HNRNPK: variants seen among roughly 807,000 people sequenced by gnomAD.
The protein encoded by HNRNPK is heterogeneous nuclear ribonucleoprotein K, also known as dC-stretch binding protein.
HNRNPK carries 7 observed loss-of-function variants against 67.0 expected under a neutral mutation model. That is an observed-to-expected ratio of 0.10 (90% CI 0.06 to 0.20). HNRNPK has a LOEUF of 0.20. Ranked by LOEUF, HNRNPK falls within the 10% of genes least tolerant of loss-of-function variation. The pLI, the probability that HNRNPK is intolerant of heterozygous loss-of-function variation, is 1.00. For synonymous variants in HNRNPK, 213 were observed against 193.7 expected (o/e 1.10, Z -0.83); for missense variants, 264 against 606.5 (o/e 0.44, Z 5.93).
At chr9:83,978,072 C>A (rs1957152189) in intron 3 of HNRNPK, 123 bp downstream of exon 3, 1 of 666,534 alleles carries the variant, frequency 1.5e-6, no homozygotes, top group Non-Finnish European at 2.6e-6. Context: ...TACTGATAAT[C>A]GCAGAATTAC....
intron 16 of HNRNPK, 55 bp from the exon 17 acceptor site, chr9:83,969,495 A>T: frequency 9.6e-7 from 1 of 1,044,956 alleles, no homozygotes; most frequent in Non-Finnish European, 1.5e-6. Context: ...GTAACATCTT[A>T]ATCAACATCA....
chr9:83,971,848 A>C (rs754372494), intron 11 of HNRNPK, 34 bp downstream of exon 11: 1 of 1,560,696 alleles, frequency 6.4e-7, no homozygotes, highest in Non-Finnish European at 8.7e-7. Context: ...AGATGGGGGA[A>C]GAAAAAACAA....
intron 6 of HNRNPK, among the ~76,000 whole-genome samples, chr9:83,974,947 T>C (rs1343517121): frequency 1.3e-5 from 2 of 152,188 alleles, no homozygotes; most frequent in Non-Finnish European, 2.9e-5. Flanking sequence ...TGGCACACCT[T>C]CTCTTAGGCA....
Position 83,971,953 on chromosome 9 carries a change from G to A in HNRNPK, c.882C>T (p.Pro294=), listed in dbSNP as rs967239711. 91 of 1,601,228 alleles carry A rather than the reference G, an allele frequency of 5.7e-5. No homozygotes were observed. The highest frequency in any genetic ancestry group is 5.0e-4 in the Middle Eastern group (3 of 6,020). ...SPRRGPPPPP[P]GRGGRGGSRA... is the part of the protein sequence containing the mutation. The stretch of plus-strand genomic sequence containing the variant: ...TGCTACCACCCCGGCCGCCTCGTCC[G>A]GGAGGAGGGGGAGGTGGTCCTCGAC... Residue 294 remains proline (P), a synonymous_variant, in exon 11 of 17, where the codon CCC becomes CCT. Transcript: ENST00000376263.
Position 83,970,349 on chromosome 9 carries a change from A to G in HNRNPK, c.1192-18T>C. On this transcript the variant is annotated intron_variant, in intron 15 of 16. Transcript: ENST00000376263. Reference sequence around the variant, plus strand: ...CCAGCCAACTGAAAAGATTTTTTAAAAGTATGTGTTTACGATATACTTTTA... The same window carrying G: ...CCAGCCAACTGAAAAGATTTTTTAAGAGTATGTGTTTACGATATACTTTTA... 6.2e-7 allele frequency: 1 copy of G among 1,600,192 alleles called. No homozygotes were observed. Among genetic ancestry groups the G allele is most frequent in the Non-Finnish European group, 8.5e-7 (1 of 1,170,918 alleles).
chr9:83,973,255 A>G (rs776838155), intron 9 of HNRNPK, 31 bp downstream of exon 9: 75 of 1,264,200 alleles, frequency 5.9e-5, no homozygotes, highest in Admixed American at 3.1e-4. Flanking sequence ...ACTTTCCAGC[A>G]AAGAATACGG....
chr9:83,969,196 G>T lies in HNRNPK; in HGVS notation c.*211C>A. The T allele has an allele frequency of 1.6e-5, 9 of 560,026 alleles. No homozygotes were observed. Among genetic ancestry groups the T allele is most frequent in the South Asian group, 1.4e-4 (5 of 36,950 alleles). 34.7% of individuals were successfully genotyped at this position (560,026 alleles called of 1,614,324 possible). A position where few individuals can be genotyped will look rare whatever the true frequency, so the allele number is the denominator to read the frequency against. ...GCACGCCCTTCCCCCCCCCAACCCTGTTTGTAAGGAACTAAAACATTACAT... is the reference window on the plus strand; with the variant it reads ...GCACGCCCTTCCCCCCCCCAACCCTTTTTGTAAGGAACTAAAACATTACAT... On this transcript the variant is annotated 3_prime_UTR_variant, in exon 17 of 17. Transcript: ENST00000376263.
In HNRNPK at chr9:83,969,126, A is replaced by T; in HGVS notation, c.*281T>A. 2.0e-6 allele frequency: 1 copy of T among 508,532 alleles called. No individual in the cohort carries two copies. 31.5% of individuals were successfully genotyped at this position (508,532 alleles called of 1,614,324 possible). On this transcript the variant is annotated 3_prime_UTR_variant, in exon 17 of 17. Coordinates refer to ENST00000376263, the MANE Select transcript of HNRNPK (RefSeq NM_031263.4). ...ACCACCAACAATAACGAAAAATAAA[A>T]TCCACTCACTCTGCTGCTGTTTCAA... is the stretch of plus-strand genomic sequence containing the variant.
chr9:83,975,423 T>C (rs1343469114), intron 6 of HNRNPK, 39 bp downstream of exon 6: 2 of 1,586,994 alleles, frequency 1.3e-6, no homozygotes, highest in Admixed American at 1.7e-5. Flanking sequence ...ATTTCTCTCT[T>C]TCTAATCAGG....
At chr9:83,976,108 G>T (rs1029291565) in intron 5 of HNRNPK, among the ~76,000 whole-genome samples, 1 of 152,048 alleles carries the variant, frequency 6.6e-6, no homozygotes, top group African/African-American at 2.4e-5. Context: ...TAATAAGACT[G>T]GTTTGGTTTT....
At position 83,968,161 on chromosome 9, in the gene HNRNPK, C is replaced by T. The variant is rs696825; in HGVS notation, c.*1246G>A. On this transcript the variant is annotated 3_prime_UTR_variant, in exon 17 of 17. Coordinates refer to ENST00000376263, the MANE Select transcript of HNRNPK (RefSeq NM_031263.4). ...GGTGTCAATCAACCCTTGTTCAAAT[C>T]GGGCACACATCAAATCTAGCATCAT... 0.38 allele frequency: 57,358 copies of T among 152,432 alleles called. 13,130 individuals are homozygous for T. Among genetic ancestry groups the T allele is most frequent in the African/African-American group, 0.65 (26,998 of 41,468 alleles). The allele number at this position is 152,432 out of a possible 1,614,324, so 9.4% of individuals were successfully genotyped here.
chr9:83,978,119 A>T, intron 3 of HNRNPK, 76 bp downstream of exon 3: 2 of 938,810 alleles, frequency 2.1e-6, no homozygotes, highest in Non-Finnish European at 3.5e-6. Flanking sequence ...ACACACTCCT[A>T]AGGCAATAAT....
chr9:83,973,010 A>G, intron 9 of HNRNPK, 38 bp from the exon 10 acceptor site: 1 of 1,466,778 alleles, frequency 6.8e-7, no homozygotes, highest in African/African-American at 1.4e-5. Context: ...TAATAATTAG[A>G]AGAAAATTAG....
At chr9:83,979,891 G>A (rs1319752697) in intron 1 of HNRNPK, among the ~76,000 whole-genome samples, 4 of 152,196 alleles carry the variant, frequency 2.6e-5, no homozygotes, top group Admixed American at 6.5e-5. Context: ...TCCTCCACGA[G>A]GTCCCTAGTT....
chr9:83,979,347 G>A (rs1957242599), intron 1 of HNRNPK, among the ~76,000 whole-genome samples: 1 of 152,228 alleles, frequency 6.6e-6, no homozygotes, highest in African/African-American at 2.4e-5. Flanking sequence ...TTTCTGAGGT[G>A]TGGTGGGAGA....
At chr9:83,979,883 C>T (rs796004) in intron 1 of HNRNPK, among the ~76,000 whole-genome samples, 46,454 of 152,082 alleles carry the variant, frequency 0.31, 7,532 homozygotes, top group African/African-American at 0.42. Context: ...GCCTCCTTTC[C>T]TCCACGAGGT....
intron 16 of HNRNPK, 51 bp from the exon 17 acceptor site, chr9:83,969,491 T>C: frequency 8.8e-7 from 1 of 1,137,736 alleles, no homozygotes; most frequent in Non-Finnish European, 1.3e-6. Flanking sequence ...GCTCGTAACA[T>C]CTTAATCAAC....
chr9:83,971,249 AC>A, intron 13 of HNRNPK, 23 bp downstream of exon 13: 1 of 1,447,576 alleles, frequency 6.9e-7, no homozygotes, highest in Non-Finnish European at 9.7e-7. Flanking sequence ...ACTGATATAC[AC>A]ACGAACAACT....
chr9:83,974,724 C>G (rs991953676), intron 6 of HNRNPK, 135 bp from the exon 7 acceptor site: 5 of 619,586 alleles, frequency 8.1e-6, no homozygotes, highest in Non-Finnish European at 1.4e-5. Context: ...TTTAAAGTAG[C>G]CTATTTATAG....
Sources: allele counts gnomAD v4.1 joint callset (sites outside exome capture counted in the v4.1 genomes callset), GRCh38; gene constraint gnomAD v4.1.1; transcripts MANE v1.5; gene names NCBI Gene and HGNC (gene_info 2026-07-23, HGNC 2026-07-21).